The following TG variants were observed in gnomAD, a reference collection of about 807,000 sequenced individuals.
TG encodes the protein thyroid hormones.
TG carries 270 observed loss-of-function variants against 324.7 expected under a neutral mutation model. The observed-to-expected ratio is 0.83, with a 90% CI of 0.75 to 0.92. The LOEUF is 0.92. Among genes scored for constraint, TG ranks in the 40% least tolerant of loss-of-function variants. The pLI, the probability that TG is intolerant of heterozygous loss-of-function variation, is 0.00. For missense variants in TG, 3,591 were observed against 3,456.4 expected, an observed-to-expected ratio of 1.04 and a Z score of -0.98; for synonymous variants, 1,401 against 1,327.0, an observed-to-expected ratio of 1.06 and a Z score of -1.21.
rs1818938020 is a variant in TG, at chr8:132,908,042, A to C, written c.3848-144A>C. On this transcript the variant is annotated intron_variant, in intron 17 of 47. Coordinates refer to ENST00000220616, the MANE Select transcript of TG (RefSeq NM_003235.5). ...CAAGCTGTTATGCTGGAAAGTACTT[A>C]GACTCAGAATGACAATGCAAAATGG... 8.5e-6 allele frequency: 8 copies of C among 935,866 alleles called. No individual in the cohort carries two copies. The South Asian group carries it at 1.1e-4, about 13-fold the overall frequency. 58.0% of individuals were successfully genotyped at this position (935,866 alleles called of 1,614,324 possible).
At chr8:133,082,131 G>A (rs73708836) in intron 41 of TG, among the ~76,000 whole-genome samples, 7,005 of 152,214 alleles carry the variant, frequency 0.046, 512 homozygotes, top group African/African-American at 0.16. Flanking sequence ...TAGGGTGTAC[G>A]GTGCTGGTGT....
Position 133,028,203 on chromosome 8 carries a change from C to A in TG, c.7037-1618C>A, listed in dbSNP as rs1284981425. 2.6e-5 allele frequency among the ~76,000 whole-genome samples: 4 copies of A among 152,322 alleles called. No homozygotes were observed. In the East Asian group the frequency reaches 7.7e-4, roughly 29 times the overall value. The stretch of plus-strand genomic sequence containing the variant: ...CTGTGGACGTCACTTTTCAGATTTG[C>A]AGGACTTGGTCTGACTCAGTTGGTG... On this transcript the variant is annotated intron_variant, in intron 40 of 47. Coordinates refer to ENST00000220616, the MANE Select transcript of TG (RefSeq NM_003235.5).
At chr8:133,103,812 G>A (rs531919427) in intron 43 of TG, among the ~76,000 whole-genome samples, 5 of 152,176 alleles carry the variant, frequency 3.3e-5, no homozygotes, top group East Asian at 1.9e-4. Context: ...GCTTCTGTGC[G>A]CTGGACTCTC....
At chr8:132,878,411 T>C (rs1814151235) in intron 5 of TG, among the ~76,000 whole-genome samples, 1 of 152,078 alleles carries the variant, frequency 6.6e-6, no homozygotes, top group African/African-American at 2.4e-5. Context: ...GGTCAGGAGA[T>C]TGACGCTATC....
intron 25 of TG, among the ~76,000 whole-genome samples, chr8:132,936,758 G>A (rs1272267897): frequency 6.6e-6 from 1 of 152,176 alleles, no homozygotes; most frequent in African/African-American, 2.4e-5. Context: ...CGGTGGGGTG[G>A]AAAGGAAACA....
At chr8:133,048,227 A>AT (rs1049058962) in intron 41 of TG, among the ~76,000 whole-genome samples, 24 of 150,212 alleles carry the variant, frequency 1.6e-4, no homozygotes, top group Admixed American at 4.6e-4. Context: ...TATTTATGTA[A>AT]TTTTTTTTTT....
In TG at chr8:132,886,869, A is replaced by G. The variant is rs760264106; in HGVS notation, c.1497A>G (p.Gln499=). ...LGTRGTFNFS[Q]FFQQLGLASF... ...CAAGAGGCACATTTAACTTCAGTCA[A>G]TTTTTCCAGCAACTTGGTCTTGCAA... The change falls in exon 9 of 48, where the codon CAA becomes CAG. Residue 499 remains glutamine, a synonymous_variant. Coordinates refer to ENST00000220616, the MANE Select transcript of TG (RefSeq NM_003235.5). 9.3e-6 allele frequency: 15 copies of G among 1,614,054 alleles called. No individual in the cohort carries two copies. Among genetic ancestry groups the G allele is most frequent in the South Asian group, 7.7e-5 (7 of 91,074 alleles).
chr8:133,038,660 C>T, intron 41 of TG: 2 of 1,613,880 alleles, frequency 1.2e-6, no homozygotes, highest in Non-Finnish European at 1.7e-6. Context: ...AGAGGCAATG[C>T]TCTCTCGAAG....
rs755344172 is a variant in TG at position 132,873,154 on chromosome 8, C to T, written c.571C>T (p.Pro191Ser). The change falls in exon 5 of 48, where the codon CCT (proline) becomes TCT (serine). Residue 191 changes from proline (P) to serine (S), a missense_variant. Transcript: ENST00000220616. ...PQCSAEGEFM[P>S]VQCKFVNTTD... ...GTGTTCTGCGGAGGGAGAGTTTATG[C>T]CTGTCCAGTGCAAATTTGTCAACAC... 6.2e-7 allele frequency: 1 copy of T among 1,614,080 alleles called. No individual in the cohort carries two copies. Among genetic ancestry groups the T allele is most frequent in the Non-Finnish European group, 8.5e-7 (1 of 1,180,002 alleles).
At chr8:132,883,257 A>C in intron 8 of TG, 1 of 506,426 alleles carries the variant, frequency 2.0e-6, no homozygotes, top group East Asian at 3.6e-5. Context: ...ATAAAAGAGA[A>C]TTGAGTTCCC....
At chr8:133,037,395 G>A (rs985252126) in intron 41 of TG, 5 of 152,044 alleles carry the variant, frequency 3.3e-5, no homozygotes, top group Middle Eastern at 3.2e-3. Flanking sequence ...ATAAAGTACC[G>A]GGTGAGTTAA....
At chr8:132,967,214 C>G (rs1828737041) in intron 30 of TG, among the ~76,000 whole-genome samples, 1 of 129,246 alleles carries the variant, frequency 7.7e-6, no homozygotes, top group African/African-American at 3.6e-5. Context: ...AACCATCCAT[C>G]CATCCATCCA....
intron 5 of TG, among the ~76,000 whole-genome samples, chr8:132,876,078 G>A (rs1587192942): frequency 6.6e-6 from 1 of 152,252 alleles, no homozygotes; most frequent in South Asian, 2.1e-4. Flanking sequence ...GTTGGGGAAG[G>A]GTATATCATA....
intron 44 of TG, among the ~76,000 whole-genome samples, chr8:133,114,611 C>T (rs546033566): frequency 6.6e-6 from 1 of 152,326 alleles, no homozygotes; most frequent in East Asian, 1.9e-4. Context: ...TTTGAGTCCC[C>T]TCACAGGTGA....
At chr8:133,134,281 C>T (rs1407235805) in intron 47 of TG, among the ~76,000 whole-genome samples, 1 of 152,108 alleles carries the variant, frequency 6.6e-6, no homozygotes, top group African/African-American at 2.4e-5. Flanking sequence ...AGGACTCACT[C>T]CTCCCTGGAG....
At chr8:133,047,769 G>T in intron 41 of TG, 1 of 940,008 alleles carries the variant, frequency 1.1e-6, no homozygotes, top group Non-Finnish European at 1.8e-6. Context: ...TAATGAGTCA[G>T]CCAGGAGCAA....
intron 41 of TG, among the ~76,000 whole-genome samples, chr8:133,093,522 C>T (rs1236794315): frequency 6.6e-6 from 1 of 152,108 alleles, no homozygotes; most frequent in Non-Finnish European, 1.5e-5. Flanking sequence ...AGTCTATGGA[C>T]CTAGTTGCCA....
intron 35 of TG, chr8:132,988,866 A>T (rs1321706194): frequency 1.0e-6 from 1 of 985,274 alleles, no homozygotes; most frequent in African/African-American, 1.7e-5. Context: ...TCAGCTTGCC[A>T]TTCTCTATTT....
chr8:132,882,307 A>G (rs558771349), intron 6 of TG, among the ~76,000 whole-genome samples, 162 bp from the exon 7 acceptor site: 14 of 152,318 alleles, frequency 9.2e-5, no homozygotes, highest in Non-Finnish European at 1.9e-4. Context: ...CTGCACAACC[A>G]TCCACAGCAG....
Sources: gnomAD v4.1 joint callset for allele counts (sites outside exome capture counted in the v4.1 genomes callset) on GRCh38, gnomAD v4.1.1 for gene constraint, MANE v1.5 for transcripts, NCBI Gene and HGNC (gene_info 2026-07-23, HGNC 2026-07-21) for gene names.